Variants in PLEKHG7 observed in about 807,000 individuals in gnomAD.
PLEKHG7 encodes the protein pleckstrin homology domain-containing family G member 7.
Under a neutral mutation model 85.2 loss-of-function variants are expected in PLEKHG7, and 77 were observed. The observed-to-expected ratio is 0.90, with a 90% CI of 0.75 to 1.09. The LOEUF (loss-of-function observed/expected upper bound fraction) is 1.09. Among genes scored for constraint, PLEKHG7 ranks in the 50% least tolerant of loss-of-function variants. The pLI is 0.00. For missense variants in PLEKHG7, 777 were observed against 804.3 expected (o/e 0.97, Z 0.41); for synonymous variants, 301 against 302.4 (o/e 1.00, Z 0.05).
intron 10 of PLEKHG7, chr12:92,749,827 C>T (rs575446599): frequency 6.6e-6 from 1 of 151,558 alleles, no homozygotes. Flanking sequence ...CCTAATGCTG[C>T]ATCCCACTAA....
chr12:92,720,848 G>A (rs1227515712), intron 3 of PLEKHG7, among the ~76,000 whole-genome samples: 1 of 152,144 alleles, frequency 6.6e-6, no homozygotes, highest in African/African-American at 2.4e-5. Context: ...TAAAGTAGTA[G>A]CCATCATCAC....
intron 3 of PLEKHG7, among the ~76,000 whole-genome samples, chr12:92,715,927 T>C (rs1241405443): frequency 1.3e-5 from 2 of 152,174 alleles, no homozygotes; most frequent in African/African-American, 2.4e-5. Flanking sequence ...ACTATCTGTC[T>C]CTTTACAGAA....
intron 14 of PLEKHG7, among the ~76,000 whole-genome samples, chr12:92,762,192 G>T (rs1309173663): frequency 1.3e-5 from 2 of 152,194 alleles, no homozygotes; most frequent in Non-Finnish European, 2.9e-5. Context: ...ATTTTGGCCT[G>T]TTCCTTTTCT....
chr12:92,759,092 A>C (rs569426120), intron 13 of PLEKHG7, among the ~76,000 whole-genome samples: 2 of 152,338 alleles, frequency 1.3e-5, no homozygotes, highest in East Asian at 3.9e-4. Flanking sequence ...CTGTGTTTCC[A>C]AATTTCTCCC....
chr12:92,761,640 AAGAAAGAAAGAAAG>A (rs980363239), intron 13 of PLEKHG7, 98 bp from the exon 14 acceptor site: 1 of 687,718 alleles, frequency 1.5e-6, no homozygotes, highest in Non-Finnish European at 2.0e-6. Context: ...GAAAGAAAGA[AAGAAAGAAAGAAAG>A]AAAGAAAGAA....
chr12:92,727,922 T>G (rs1871861513), intron 3 of PLEKHG7, among the ~76,000 whole-genome samples: 1 of 124,798 alleles, frequency 8.0e-6, no homozygotes, highest in African/African-American at 2.9e-5. Flanking sequence ...TGCATGGTAT[T>G]CTATGGTGTG....
chr12:92,764,110 G>C lies in PLEKHG7; in HGVS notation c.1786G>C (p.Glu596Gln), dbSNP rs1194457337. The change falls in exon 15 of 17, where the codon GAG becomes CAG. Residue 596 changes from glutamate (E) to glutamine (Q), a missense_variant. This residue lies in a region of PLEKHG7 where 520 missense variants were observed against 544.0 expected (regional missense o/e 0.96). Transcript: ENST00000344636. ...LTPELQAVIK[E>Q]GGSCTVLDQP... Reference sequence around the variant, plus strand: ...TCCTGAGTTGCAAGCAGTAATAAAAGAGGGTGGTTCGTGTACAGTACTCGA... The same window carrying C: ...TCCTGAGTTGCAAGCAGTAATAAAACAGGGTGGTTCGTGTACAGTACTCGA... The C allele has an allele frequency of 1.2e-6, 2 of 1,613,172 alleles. No homozygotes were observed. Among genetic ancestry groups the C allele is most frequent in the Non-Finnish European group, 1.7e-6 (2 of 1,179,508 alleles).
At chr12:92,747,272 T>A (rs372147380) in intron 10 of PLEKHG7, among the ~76,000 whole-genome samples, 7 of 112,790 alleles carry the variant, frequency 6.2e-5, no homozygotes, top group Non-Finnish European at 3.8e-5. Context: ...AAAAAAAAAA[T>A]CTCAACATCA....
intron 3 of PLEKHG7, among the ~76,000 whole-genome samples, chr12:92,722,673 G>A (rs1399600264): frequency 2.0e-5 from 3 of 152,174 alleles, no homozygotes; most frequent in African/African-American, 2.4e-5. Context: ...TGTGGGTAAC[G>A]TAACCAACCA....
intron 3 of PLEKHG7, among the ~76,000 whole-genome samples, chr12:92,713,739 C>G (rs1871409746): frequency 6.6e-6 from 1 of 152,228 alleles, no homozygotes. Flanking sequence ...CCCAATCTCC[C>G]TAAGCCTTTG....
rs540230230 is a variant in PLEKHG7 at position 92,727,927 on chromosome 12, GGTGTGT to G, written c.531-1035_531-1030del. Among the ~76,000 whole-genome samples the G allele has an allele frequency of 2.0e-3, 169 of 84,970 alleles. 2 individuals are homozygous for G. Among genetic ancestry groups the G allele is most frequent in the East Asian group, 0.016 (22 of 1,378 alleles). 55.7% of individuals were successfully genotyped at this position (84,970 alleles called of 152,430 possible). On this transcript the variant is annotated intron_variant, in intron 3 of 16. Coordinates refer to ENST00000344636, the MANE Select transcript of PLEKHG7 (RefSeq NM_001377329.1). ...TTTTTATGGCTGCATGGTATTCTATGGTGTGTGTGTGTGTGTGTGTGTGTGTGTGTG... is the reference window on the plus strand; with the variant it reads ...TTTTTATGGCTGCATGGTATTCTATGGTGTGTGTGTGTGTGTGTGTGTGTG...
In PLEKHG7 at chr12:92,756,404, T is replaced by C. The variant is rs778718349; in HGVS notation, c.1636+13T>C. 6.3e-6 allele frequency: 10 copies of C among 1,588,392 alleles called. No individual in the cohort carries two copies. In the East Asian group the frequency reaches 2.2e-4, roughly 36 times the overall value. Reference sequence around the variant, plus strand: ...TTAACTCTTGCAGGTAAATAACTGCTTCCTTTAAAAAACCCAACATCTGTG... The same window carrying C: ...TTAACTCTTGCAGGTAAATAACTGCCTCCTTTAAAAAACCCAACATCTGTG... On this transcript the variant is annotated intron_variant, in intron 13 of 16. Transcript: ENST00000344636.
chr12:92,745,914 C>T (rs1236709150), intron 10 of PLEKHG7, among the ~76,000 whole-genome samples: 1 of 152,160 alleles, frequency 6.6e-6, no homozygotes, highest in African/African-American at 2.4e-5. Context: ...TAGTAAGAAC[C>T]TGAGCTTTGT....
At chr12:92,711,117 T>C (rs2136571811) in intron 3 of PLEKHG7, among the ~76,000 whole-genome samples, 1 of 152,314 alleles carries the variant, frequency 6.6e-6, no homozygotes, top group Admixed American at 6.5e-5. Context: ...TCTCCCTCCA[T>C]GCAAAGTACA....
chr12:92,758,562 G>A (rs1202931858), intron 13 of PLEKHG7, among the ~76,000 whole-genome samples: 1 of 152,220 alleles, frequency 6.6e-6, no homozygotes, highest in Non-Finnish European at 1.5e-5. Context: ...GGTTCAAAGT[G>A]ACTGTCATAG....
chr12:92,703,748 G>T (rs1372127647), intron 1 of PLEKHG7, among the ~76,000 whole-genome samples: 1 of 152,162 alleles, frequency 6.6e-6, no homozygotes, highest in Non-Finnish European at 1.5e-5. Flanking sequence ...GCATCATGTC[G>T]GCAGTTACTA....
At chr12:92,722,977 G>C (rs906137347) in intron 3 of PLEKHG7, among the ~76,000 whole-genome samples, 31 of 152,220 alleles carry the variant, frequency 2.0e-4, no homozygotes, top group African/African-American at 7.2e-4. Flanking sequence ...AGAGAGAATT[G>C]TCCCTCCCTG....
chr12:92,741,688 G>A (rs911362797), intron 9 of PLEKHG7, 96 bp downstream of exon 9: 2 of 838,434 alleles, frequency 2.4e-6, no homozygotes. Context: ...TTCTCCCTGG[G>A]AAAGTTCTAC....
intron 16 of PLEKHG7, 147 bp downstream of exon 16, chr12:92,769,227 T>C (rs1463275170): frequency 1.7e-6 from 1 of 596,538 alleles, no homozygotes; most frequent in African/African-American, 1.9e-5. Flanking sequence ...GAGGGGTACA[T>C]CTAGTCCATA....
Sources: gnomAD v4.1 joint callset for allele counts (sites outside exome capture counted in the v4.1 genomes callset) on GRCh38, gnomAD v4.1.1 for gene constraint, gnomAD v4.1.1 regional missense constraint, MANE v1.5 for transcripts, NCBI Gene and HGNC (gene_info 2026-07-23, HGNC 2026-07-21) for gene names.